The following CNOT4 variants were observed in gnomAD, a reference collection of about 807,000 sequenced individuals.
CNOT4 encodes the protein CCR4-NOT transcription complex subunit 4.
In CNOT4, 8 loss-of-function variants were observed where a neutral mutation model predicts 73.8. The ratio of observed to expected loss-of-function variants is 0.11; its 90% CI spans 0.06 to 0.20. The LOEUF (loss-of-function observed/expected upper bound fraction) is 0.20. Among genes scored for constraint, CNOT4 ranks in the 10% least tolerant of loss-of-function variants. The probability of loss-of-function intolerance (pLI) is 1.00; values close to 1 mark genes in which losing one functional copy is unlikely to be tolerated. For missense variants in CNOT4, 564 were observed against 883.4 expected (o/e 0.64, Z 4.58); for synonymous variants, 293 against 321.1 (o/e 0.91, Z 0.94).
intron 1 of CNOT4, among the ~76,000 whole-genome samples, chr7:135,495,569 G>A (rs2129487877): frequency 6.7e-6 from 1 of 148,790 alleles, no homozygotes; most frequent in African/African-American, 2.5e-5. Context: ...CCAGCTACTT[G>A]GGAGGCTGAG....
chr7:135,435,225 T>A (rs1311097827), intron 2 of CNOT4, among the ~76,000 whole-genome samples: 1 of 152,210 alleles, frequency 6.6e-6, no homozygotes, highest in African/African-American at 2.4e-5. Context: ...TGCTTCACAC[T>A]CACAGGGCCC....
At chr7:135,403,264 C>T (rs931941447) in intron 7 of CNOT4, among the ~76,000 whole-genome samples, 3 of 152,248 alleles carry the variant, frequency 2.0e-5, no homozygotes, top group Middle Eastern at 3.4e-3. Context: ...CTTAATTTTG[C>T]CATTTACCAG....
intron 10 of CNOT4, among the ~76,000 whole-genome samples, chr7:135,372,306 T>C (rs1038744235): frequency 2.6e-5 from 4 of 152,172 alleles, no homozygotes; most frequent in Non-Finnish European, 5.9e-5. Context: ...AATTTTAGGA[T>C]TTACAAAAGC....
intron 1 of CNOT4, among the ~76,000 whole-genome samples, chr7:135,480,854 C>T (rs951682938): frequency 1.4e-5 from 2 of 142,838 alleles, no homozygotes; most frequent in African/African-American, 2.6e-5. Flanking sequence ...AAAGGACAGG[C>T]TAATTTGTGC....
chr7:135,472,158 G>C (rs972073169), intron 1 of CNOT4, among the ~76,000 whole-genome samples: 29 of 150,718 alleles, frequency 1.9e-4, no homozygotes, highest in African/African-American at 6.8e-4. Context: ...GGGCCACAGA[G>C]TAAGACCCTA....
intron 8 of CNOT4, among the ~76,000 whole-genome samples, chr7:135,396,364 G>A (rs992302882): frequency 1.6e-4 from 24 of 151,898 alleles, no homozygotes; most frequent in African/African-American, 5.6e-4. Context: ...TGATCCACCC[G>A]CCTCGGCCTC....
At chr7:135,377,827 C>T (rs1351418946) in intron 10 of CNOT4, among the ~76,000 whole-genome samples, 1 of 152,084 alleles carries the variant, frequency 6.6e-6, no homozygotes, top group Non-Finnish European at 1.5e-5. Context: ...AACCAATTCT[C>T]AGTCAATATT....
intron 1 of CNOT4, among the ~76,000 whole-genome samples, chr7:135,470,571 TAA>T (rs34649236): frequency 2.9e-4 from 42 of 145,700 alleles, no homozygotes; most frequent in South Asian, 1.1e-3. Context: ...GACTCTGTCT[TAA>T]AAAAAAAAAA....
rs1797541666 is a variant in CNOT4, at chr7:135,410,616, T to C, written c.720A>G (p.Leu240=). 6.3e-7 allele frequency: 1 copy of C among 1,597,110 alleles called. No homozygotes were observed. The highest frequency in any genetic ancestry group is 1.2e-5 in the South Asian group (1 of 86,910). ...GATTTAATTTATATAATTCTTGAAG[T>C]AGCTTCTGTTCATATTCTTGGTGTT... ...AGKHQEYEQK[L]LQELYKLNPN... Residue 240 remains leucine, a synonymous_variant, in exon 7 of 12, where the codon CTA becomes CTG. Coordinates refer to ENST00000541284, the MANE Select transcript of CNOT4 (RefSeq NM_001190850.2).
At chr7:135,391,642 T>A (rs1454483164) in intron 10 of CNOT4, among the ~76,000 whole-genome samples, 1 of 152,060 alleles carries the variant, frequency 6.6e-6, no homozygotes, top group South Asian at 2.1e-4. Context: ...ATTTTTTCCA[T>A]AAAGCATCTA....
intron 1 of CNOT4, among the ~76,000 whole-genome samples, chr7:135,479,059 T>C (rs907853320): frequency 1.3e-5 from 2 of 152,292 alleles, no homozygotes; most frequent in East Asian, 1.9e-4. Context: ...GCCAGTATAT[T>C]TGTAGAACAA....
chr7:135,402,702 A>C (rs963080281), intron 7 of CNOT4, among the ~76,000 whole-genome samples: 1 of 152,174 alleles, frequency 6.6e-6, no homozygotes, highest in Non-Finnish European at 1.5e-5. Flanking sequence ...AATCAAATTT[A>C]ATTACTTTGT....
chr7:135,495,877 T>A (rs1298116296), intron 1 of CNOT4, among the ~76,000 whole-genome samples: 1 of 149,810 alleles, frequency 6.7e-6, no homozygotes, highest in African/African-American at 2.5e-5. Flanking sequence ...AAGGCTGCAA[T>A]AAGCTATGAT....
At chr7:135,457,742 C>A (rs1464360581) in intron 1 of CNOT4, among the ~76,000 whole-genome samples, 1 of 152,020 alleles carries the variant, frequency 6.6e-6, no homozygotes, top group Non-Finnish European at 1.5e-5. Context: ...TTAGCAATGA[C>A]ATAAAAGCAA....
chr7:135,493,603 T>C (rs1043330754), intron 1 of CNOT4, among the ~76,000 whole-genome samples: 1 of 152,094 alleles, frequency 6.6e-6, no homozygotes, highest in Admixed American at 6.5e-5. Flanking sequence ...CCAAACCTTG[T>C]GGGGACATGA....
At chr7:135,472,740 T>A (rs1173238811) in intron 1 of CNOT4, among the ~76,000 whole-genome samples, 1 of 151,338 alleles carries the variant, frequency 6.6e-6, no homozygotes, top group South Asian at 2.1e-4. Flanking sequence ...AATAAATCTT[T>A]TAAAAGATGC....
chr7:135,489,058 T>C (rs1802928704), intron 1 of CNOT4, among the ~76,000 whole-genome samples: 1 of 152,066 alleles, frequency 6.6e-6, no homozygotes, highest in Admixed American at 6.6e-5. Flanking sequence ...CATATTTTAG[T>C]GAATATATAA....
rs752953708 is a variant in CNOT4 at position 135,388,863 on chromosome 7, T to C, written c.1627+5055A>G. 5 of 1,613,090 alleles carry C rather than the reference T, an allele frequency of 3.1e-6. No individual in the cohort carries two copies. In the South Asian group the frequency reaches 5.5e-5, roughly 18 times the overall value. ...GTAATGAATGGGAAGAGGTTGACAGTGGCATGGTCGAAACCTTCACCTCTT... is the reference window on the plus strand; with the variant it reads ...GTAATGAATGGGAAGAGGTTGACAGCGGCATGGTCGAAACCTTCACCTCTT... On this transcript the variant is annotated intron_variant, in intron 10 of 11. Coordinates refer to ENST00000541284, the MANE Select transcript of CNOT4 (RefSeq NM_001190850.2).
intron 1 of CNOT4, among the ~76,000 whole-genome samples, chr7:135,484,655 T>C (rs1021504695): frequency 6.6e-6 from 1 of 151,228 alleles, no homozygotes; most frequent in Non-Finnish European, 1.5e-5. Flanking sequence ...CTTGGGAGGC[T>C]GAGACACAAG....
Sources: gnomAD v4.1 joint callset for allele counts (sites outside exome capture counted in the v4.1 genomes callset) on GRCh38, gnomAD v4.1.1 for gene constraint, MANE v1.5 for transcripts, NCBI Gene and HGNC (gene_info 2026-07-23, HGNC 2026-07-21) for gene names.